Variants in DENND3 observed in about 807,000 individuals in gnomAD.
DENND3 encodes the protein DENN domain-containing protein 3.
DENND3 carries 88 observed loss-of-function variants against 135.1 expected under a neutral mutation model. That is an observed-to-expected ratio of 0.65 (90% confidence interval 0.55 to 0.78). The LOEUF is 0.78. DENND3 is among the 30% of genes least tolerant of loss of function. The pLI, the probability that DENND3 is intolerant of heterozygous loss-of-function variation, is 0.00. For missense variants in DENND3, 1,392 were observed against 1,688.4 expected (o/e 0.82, Z 3.08); for synonymous variants, 693 against 712.3 (o/e 0.97, Z 0.43).
chr8:141,166,399 G>A lies in DENND3; in HGVS notation c.1753+10G>A. ...AGGGGCAGCAGCGCAGGTGAGGGCT[G>A]CCCCCCACTGTGGTGCTGTGTGTCG... On this transcript the variant is annotated intron_variant, in intron 12 of 22. Coordinates refer to ENST00000519811, the MANE Select transcript of DENND3 (RefSeq NM_001352890.3). The surrounding 1 kb of genome is among the most constrained non-coding windows in gnomAD (Gnocchi z 4.3). The A allele has an allele frequency of 1.2e-6, 2 of 1,607,708 alleles. No individual in the cohort carries two copies. The highest frequency in any genetic ancestry group is 8.5e-7 in the Non-Finnish European group (1 of 1,178,532).
rs1047381762 is a variant in DENND3, at chr8:141,130,807, C to T, written c.102+1998C>T. 2.6e-5 allele frequency among the ~76,000 whole-genome samples: 4 copies of T among 151,970 alleles called. No homozygotes were observed. The highest frequency in any genetic ancestry group is 5.9e-5 in the Non-Finnish European group (4 of 68,004). ...GTTCAAGCAATTCTCCTGCCTCAGC[C>T]TCCTAAGTAGCTGGGATTACAGGCG... On this transcript the variant is annotated intron_variant, in intron 1 of 22. Transcript: ENST00000519811. The surrounding 1 kb of genome is among the most constrained non-coding windows in gnomAD (Gnocchi z 4.2).
intron 17 of DENND3, among the ~76,000 whole-genome samples, chr8:141,183,718 C>CTGTCA (rs1491200953): frequency 1.4e-5 from 2 of 147,682 alleles, no homozygotes; most frequent in Admixed American, 1.3e-4. Context: ...TCCGGTGACA[C>CTGTCA]TGTCAGTTTT....
At chr8:141,185,115 G>A in intron 17 of DENND3, 24 bp from the exon 18 acceptor site, 1 of 1,604,470 alleles carries the variant, frequency 6.2e-7, no homozygotes, top group East Asian at 2.2e-5. Flanking sequence ...CCTCCTAACA[G>A]TTTTGTGCTG....
rs1820795043 is a variant in DENND3 at position 141,166,372 on chromosome 8, G to A, written c.1736G>A (p.Cys579Tyr). ...SSLRLTDTAGCRGSSAVLNVT... is the reference protein window; with the variant it reads ...SSLRLTDTAGYRGSSAVLNVT... ...CTCCGGCTGACGGACACCGCAGGCT[G>A]TAGGGGCAGCAGCGCAGGTGAGGGC... Residue 579 changes from cysteine (C) to tyrosine (Y), a missense_variant, in exon 12 of 23, where the codon TGT becomes TAT. Physicochemically the swap from Cys to Tyr is radical, Grantham distance 194. Transcript: ENST00000519811. The surrounding 1 kb of genome is among the most constrained non-coding windows in gnomAD (Gnocchi z 4.3). 6.2e-7 allele frequency: 1 copy of A among 1,612,266 alleles called. No homozygotes were observed. Among genetic ancestry groups the A allele is most frequent in the Non-Finnish European group, 8.5e-7 (1 of 1,179,898 alleles).
At chr8:141,172,638 T>A (rs1021646463) in intron 13 of DENND3, among the ~76,000 whole-genome samples, 10 of 152,230 alleles carry the variant, frequency 6.6e-5, no homozygotes, top group African/African-American at 2.4e-4. Context: ...AGGTGATGGC[T>A]TCGCCGATTC....
At position 141,185,154 on chromosome 8, in the gene DENND3, C is replaced by A; in HGVS notation, c.2960C>A (p.Ala987Asp). The change falls in exon 18 of 23, where the codon GCC (alanine) becomes GAC (aspartate). Residue 987 changes from alanine to aspartate, a missense_variant. By Grantham distance (126) the Ala-to-Asp change is moderately radical. Transcript: ENST00000519811. ...TCCTCTTTAGGGCATCTTGACCCAG[C>A]CGAAAAAGTTGAAGATGCTCACCCC... ...LLYTPGHLDP[A>D]EKVEDAHPKL... 6.2e-7 allele frequency: 1 copy of A among 1,613,728 alleles called. No homozygotes were observed. The highest frequency in any genetic ancestry group is 8.5e-7 in the Non-Finnish European group (1 of 1,179,734).
At chr8:141,180,377 T>C (rs1439063001) in intron 16 of DENND3, among the ~76,000 whole-genome samples, 1 of 152,132 alleles carries the variant, frequency 6.6e-6, no homozygotes, top group Non-Finnish European at 1.5e-5. Flanking sequence ...GAATTTTATA[T>C]CTCCGCTTTG....
At position 141,178,098 on chromosome 8, in the gene DENND3, A is replaced by G; in HGVS notation, c.2738A>G (p.Asn913Ser). ...DPHYVQQALTNVLLMDAVVGT... is the reference protein window; with the variant it reads ...DPHYVQQALTSVLLMDAVVGT... The stretch of plus-strand genomic sequence containing the variant: ...CACTACGTCCAGCAGGCGCTGACCA[A>G]CGTCTTGCTGATGGACGCCGTCGTG... Residue 913 changes from asparagine to serine, a missense_variant, in exon 16 of 23, where the codon AAC becomes AGC. Asn to Ser is a conservative substitution (Grantham distance 46). Coordinates refer to ENST00000519811, the MANE Select transcript of DENND3 (RefSeq NM_001352890.3). 1.2e-6 allele frequency: 2 copies of G among 1,611,958 alleles called. No individual in the cohort carries two copies. Among genetic ancestry groups the G allele is most frequent in the Non-Finnish European group, 1.7e-6 (2 of 1,178,144 alleles).
chr8:141,189,744 G>A (rs922820860), intron 19 of DENND3, among the ~76,000 whole-genome samples: 3 of 152,222 alleles, frequency 2.0e-5, no homozygotes, highest in Admixed American at 2.0e-4. Context: ...GGCCCTGTTG[G>A]GGTGGGTAGG....
At chr8:141,193,027 C>T (rs1192414073) in intron 22 of DENND3, 1 of 633,962 alleles carries the variant, frequency 1.6e-6, no homozygotes, top group South Asian at 2.1e-5. Flanking sequence ...CTCCCCCACC[C>T]GCTCATGTGG....
chr8:141,169,834 T>C (rs1821295566), intron 13 of DENND3, among the ~76,000 whole-genome samples: 1 of 152,258 alleles, frequency 6.6e-6, no homozygotes, highest in African/African-American at 2.4e-5. Flanking sequence ...CCACATCCGT[T>C]GGGTTCATTC....
Position 141,136,523 on chromosome 8 carries a change from G to A in DENND3, c.117G>A (p.Lys39=), listed in dbSNP as rs1352654923. ...LRSLEQVAYK[K]GVKHLSALLD... Reference sequence around the variant, plus strand: ...CCCTTTTTTAGGTTGCTTATAAAAAGGGAGTCAAACATCTTTCTGCTCTTC... The same window carrying A: ...CCCTTTTTTAGGTTGCTTATAAAAAAGGAGTCAAACATCTTTCTGCTCTTC... Residue 39 remains lysine, a synonymous_variant, in exon 2 of 23, where the codon AAG becomes AAA. Transcript: ENST00000519811. 1.9e-6 allele frequency: 3 copies of A among 1,545,310 alleles called. No individual in the cohort carries two copies. In the South Asian group the frequency reaches 3.6e-5, roughly 18 times the overall value.
chr8:141,131,527 A>C (rs553105377), intron 1 of DENND3, among the ~76,000 whole-genome samples: 10 of 152,322 alleles, frequency 6.6e-5, no homozygotes, highest in African/African-American at 2.2e-4. Flanking sequence ...CACTGGCCAC[A>C]TGTGGTCACT....
At chr8:141,150,774 G>A in intron 5 of DENND3, 60 bp from the exon 6 acceptor site, 6 of 1,508,804 alleles carry the variant, frequency 4.0e-6, no homozygotes, top group East Asian at 4.8e-5. Context: ...TGACAGTAGT[G>A]CACGTCAGCC....
intron 16 of DENND3, 149 bp downstream of exon 16, chr8:141,178,345 C>G: frequency 8.2e-7 from 1 of 1,221,966 alleles, no homozygotes. Flanking sequence ...TCGAGTCGCA[C>G]ACCTTATCCG....
At chr8:141,188,304 TAGAC>T (rs1378617370) in intron 18 of DENND3, 1 of 152,224 alleles carries the variant, frequency 6.6e-6, no homozygotes, top group Non-Finnish European at 1.5e-5. Context: ...TTGCTTAGCT[TAGAC>T]AGAAACCCTG....
chr8:141,135,082 C>T (rs184569362), intron 1 of DENND3, among the ~76,000 whole-genome samples: 192 of 152,188 alleles, frequency 1.3e-3, no homozygotes, highest in African/African-American at 3.8e-3. Flanking sequence ...GTGATCTGCC[C>T]GCCTCGGCTT....
rs1817982375 is a variant in DENND3, at chr8:141,145,824, TATATATATA to T, written c.735+1566_735+1574del. On this transcript the variant is annotated intron_variant, in intron 5 of 22. Coordinates refer to ENST00000519811, the MANE Select transcript of DENND3 (RefSeq NM_001352890.3). ...AATATTATATATATATATATATATA[TATATATATA>T]TATATATATATATATATGTATTTTT... Among the ~76,000 whole-genome samples, 10 of 40,368 alleles carry T rather than the reference TATATATATA, an allele frequency of 2.5e-4. 1 individual carries two copies. Among genetic ancestry groups the T allele is most frequent in the African/African-American group, 9.7e-4 (10 of 10,332 alleles). The allele number at this position is 40,368 out of a possible 152,430, so 26.5% of individuals were successfully genotyped here. A position where few individuals can be genotyped will look rare whatever the true frequency, so the allele number is the denominator to read the frequency against.
rs1822081069 is a variant in DENND3 at position 141,174,576 on chromosome 8, C to T, written c.2276-624C>T. ...GAAAGGTCGTGAAGCGGGCTTCAGG[C>T]TCAGGCTCCTCTGACTCCAGAGCCC... On this transcript the variant is annotated intron_variant, in intron 13 of 22. Transcript: ENST00000519811. This position sits in a 1 kb window ranked among gnomAD's most constrained non-coding sequence, Gnocchi z 4.6. 2.0e-5 allele frequency among the ~76,000 whole-genome samples: 3 copies of T among 152,196 alleles called. No individual in the cohort carries two copies. Among genetic ancestry groups the T allele is most frequent in the Non-Finnish European group, 4.4e-5 (3 of 68,038 alleles).
Sources: allele counts gnomAD v4.1 joint callset (sites outside exome capture counted in the v4.1 genomes callset), GRCh38; gene constraint gnomAD v4.1.1; non-coding constraint Gnocchi (gnomAD v3.1); transcripts MANE v1.5; gene names NCBI Gene and HGNC (gene_info 2026-07-23, HGNC 2026-07-21).